Variants in SNAPC1 observed in about 807,000 individuals in gnomAD.
SNAPC1 encodes snRNA-activating protein complex subunit 1.
In SNAPC1, 42 loss-of-function variants were observed where a neutral mutation model predicts 50.1. That is an observed-to-expected ratio of 0.84 (90% CI 0.65 to 1.08). SNAPC1 has a LOEUF of 1.08. SNAPC1 is among the 50% of genes least tolerant of loss of function. SNAPC1 has a pLI of 0.00. For synonymous variants in SNAPC1, 164 were observed against 144.2 expected, an observed-to-expected ratio of 1.14 and a Z score of -0.98; for missense variants, 477 against 427.3, an observed-to-expected ratio of 1.12 and a Z score of -1.02.
At chr14:61,781,238 A>G (rs1319476792) in intron 7 of SNAPC1, among the ~76,000 whole-genome samples, 2 of 152,202 alleles carry the variant, frequency 1.3e-5, no homozygotes, top group East Asian at 3.9e-4. Context: ...TCATGAGGTC[A>G]GGAGATCGAA....
chr14:61,762,688 A>T (rs1594897384), intron 1 of SNAPC1, 100 bp downstream of exon 1: 2 of 1,414,406 alleles, frequency 1.4e-6, no homozygotes, highest in African/African-American at 2.8e-5. Flanking sequence ...GGCTGAGAAG[A>T]GCGGCAGTCA....
rs749884200 is a variant in SNAPC1, at chr14:61,776,226, G to C, written c.666G>C (p.Glu222Asp). Residue 222 changes from glutamate (E) to aspartate (D), a missense_variant, in exon 5 of 10, where the codon GAG (glutamate) becomes GAC (aspartate). Transcript: ENST00000216294. Reference sequence around the variant, plus strand: ...ACAATATTAAGAACATAGTTTTGGAGCATCAGCAGTGGCACAAAGACAGAA... The same window carrying C: ...ACAATATTAAGAACATAGTTTTGGACCATCAGCAGTGGCACAAAGACAGAA... Reference protein sequence around the residue: ...FFDNIKNIVLEHQQWHKDRKN... With the variant: ...FFDNIKNIVLDHQQWHKDRKN... The C allele has an allele frequency of 6.2e-7, 1 of 1,612,718 alleles. No individual in the cohort carries two copies. Among genetic ancestry groups the C allele is most frequent in the Non-Finnish European group, 8.5e-7 (1 of 1,179,532 alleles).
intron 3 of SNAPC1, 138 bp downstream of exon 3, chr14:61,767,490 G>C (rs1375827962): frequency 4.3e-6 from 2 of 464,740 alleles, no homozygotes; most frequent in African/African-American, 4.1e-5. Context: ...TTTAGACAGA[G>C]TCTTGCTCTG....
At chr14:61,783,017 A>T (rs10131600) in intron 8 of SNAPC1, among the ~76,000 whole-genome samples, 19,739 of 116,044 alleles carry the variant, frequency 0.17, 1,966 homozygotes, top group South Asian at 0.35. Context: ...TTTCCAGTGC[A>T]TTTTTTTTTT....
At chr14:61,775,585 C>T (rs945372312) in intron 4 of SNAPC1, among the ~76,000 whole-genome samples, 16 of 152,094 alleles carry the variant, frequency 1.1e-4, no homozygotes, top group African/African-American at 3.6e-4. Context: ...TGAATGTTAT[C>T]GCTGAAGCAA....
rs1236335546 is a variant in SNAPC1 at position 61,795,034 on chromosome 14, G to T, written c.*51G>T. 2.3e-6 allele frequency: 3 copies of T among 1,299,068 alleles called. No homozygotes were observed. Among genetic ancestry groups the T allele is most frequent in the African/African-American group, 3.0e-5 (2 of 65,914 alleles). 80.5% of individuals were successfully genotyped at this position (1,299,068 alleles called of 1,614,324 possible). ...TTTTGAGTTTTCTGACAGAAGAAAA[G>T]ATTGATATTTTGTGTATTGAACAGG... On this transcript the variant is annotated 3_prime_UTR_variant, in exon 10 of 10. Transcript: ENST00000216294.
chr14:61,781,955 GC>G (rs1432175420), intron 7 of SNAPC1, among the ~76,000 whole-genome samples: 1 of 152,132 alleles, frequency 6.6e-6, no homozygotes, highest in East Asian at 1.9e-4. Context: ...ATTAGAAGAT[GC>G]CTCTACACCT....
At chr14:61,772,299 G>A (rs889088143) in intron 4 of SNAPC1, among the ~76,000 whole-genome samples, 1 of 151,964 alleles carries the variant, frequency 6.6e-6, no homozygotes, top group African/African-American at 2.4e-5. Flanking sequence ...CCAGGCTGGA[G>A]TGCAGTGGTA....
chr14:61,770,033 A>G (rs1437756426), intron 4 of SNAPC1, among the ~76,000 whole-genome samples: 1 of 152,158 alleles, frequency 6.6e-6, no homozygotes, highest in Non-Finnish European at 1.5e-5. Flanking sequence ...ATAATATTTT[A>G]TTTCATTCGG....
At chr14:61,788,773 G>A (rs903804275) in intron 8 of SNAPC1, among the ~76,000 whole-genome samples, 1 of 152,126 alleles carries the variant, frequency 6.6e-6, no homozygotes, top group Admixed American at 6.5e-5. Flanking sequence ...AATTTTAAAT[G>A]TACATGCTTT....
At position 61,772,005 on chromosome 14, in the gene SNAPC1, G is replaced by A. The variant is rs559491368; in HGVS notation, c.534+3265G>A. On this transcript the variant is annotated intron_variant, in intron 4 of 9. Transcript: ENST00000216294. ...GAGAAATGCTGATGTGAATCATGAA[G>A]AGAGAGGCATAGGACATTTTCAAAC... Among the ~76,000 whole-genome samples, 3 of 152,328 alleles carry A rather than the reference G, an allele frequency of 2.0e-5. No homozygotes were observed. In the South Asian group the frequency reaches 6.2e-4, roughly 32 times the overall value.
intron 2 of SNAPC1, 57 bp from the exon 3 acceptor site, chr14:61,767,155 T>C (rs1467124692): frequency 1.6e-6 from 2 of 1,260,264 alleles, no homozygotes; most frequent in Non-Finnish European, 2.1e-6. Flanking sequence ...AAAATTATAA[T>C]ATGTTTGTGA....
chr14:61,782,766 C>A (rs1276067651), intron 8 of SNAPC1, among the ~76,000 whole-genome samples: 1 of 151,806 alleles, frequency 6.6e-6, no homozygotes, highest in African/African-American at 2.4e-5. Flanking sequence ...AAAAGTCGGG[C>A]ATGGTAGCGC....
In SNAPC1 at chr14:61,794,939, A is replaced by C; in HGVS notation, c.1073-10A>C. 6.4e-7 allele frequency: 1 copy of C among 1,572,104 alleles called. No homozygotes were observed. Among genetic ancestry groups the C allele is most frequent in the Non-Finnish European group, 8.7e-7 (1 of 1,155,138 alleles). Reference sequence around the variant, plus strand: ...TAGATCTGACTGACTTTTAAACTTTATGTCTTTAGAGTTCACTGCATCCAA... The same window carrying C: ...TAGATCTGACTGACTTTTAAACTTTCTGTCTTTAGAGTTCACTGCATCCAA... On this transcript the variant is annotated splice_polypyrimidine_tract_variant and intron_variant, in intron 9 of 9. Coordinates refer to ENST00000216294, the MANE Select transcript of SNAPC1 (RefSeq NM_003082.4).
intron 4 of SNAPC1, among the ~76,000 whole-genome samples, chr14:61,774,392 T>C (rs553463863): frequency 1.4e-3 from 219 of 152,282 alleles, no homozygotes; most frequent in Non-Finnish European, 2.3e-3. Context: ...TTTGTTCATT[T>C]TGTACAAATG....
Position 61,795,075 on chromosome 14 carries a change from A to T in SNAPC1, c.*92A>T, listed in dbSNP as rs773663229. 40 of 776,240 alleles carry T rather than the reference A, an allele frequency of 5.2e-5. No individual in the cohort carries two copies. Among genetic ancestry groups the T allele is most frequent in the Non-Finnish European group, 7.4e-5 (36 of 485,352 alleles). The allele number at this position is 776,240 out of a possible 1,614,324, so 48.1% of individuals were successfully genotyped here. On this transcript the variant is annotated 3_prime_UTR_variant, in exon 10 of 10. Coordinates refer to ENST00000216294, the MANE Select transcript of SNAPC1 (RefSeq NM_003082.4). ...ATTGAACAGGAAGACTGCCAGTATT[A>T]AAAAAATCCTTCTGGGAATCTGTAG...
At position 61,795,174 on chromosome 14, in the gene SNAPC1, T is replaced by A; in HGVS notation, c.*191T>A. The A allele has an allele frequency of 1.9e-6, 1 of 525,062 alleles. No individual in the cohort carries two copies. Among genetic ancestry groups the A allele is most frequent in the Non-Finnish European group, 3.3e-6 (1 of 299,478 alleles). The allele number at this position is 525,062 out of a possible 1,614,324, so 32.5% of individuals were successfully genotyped here. On this transcript the variant is annotated 3_prime_UTR_variant, in exon 10 of 10. Coordinates refer to ENST00000216294, the MANE Select transcript of SNAPC1 (RefSeq NM_003082.4). ...AAATTAGAATAAGAATTCTTTAACA[T>A]TTTCTTTAATGATTTGCATAAATGG...
In SNAPC1 at chr14:61,785,637, ACAT is replaced by A. The variant is rs1303652790; in HGVS notation, c.976+3246_976+3248del. On this transcript the variant is annotated intron_variant, in intron 8 of 9. Transcript: ENST00000216294. ...TTTATACATTTTAGGGAGACATGAC[ACAT>A]CATCAATATGTGTAAGTCGTACATT... Among the ~76,000 whole-genome samples, 8 of 152,352 alleles carry A rather than the reference ACAT, an allele frequency of 5.3e-5. No individual in the cohort carries two copies. The South Asian group carries it at 1.2e-3, about 24-fold the overall frequency.
rs112290504 is a variant in SNAPC1, at chr14:61,778,152, T to A, written c.762+12T>A. 1.4e-5 allele frequency: 21 copies of A among 1,541,816 alleles called. No individual in the cohort carries two copies. In the African/African-American group the frequency reaches 1.4e-4, roughly 10 times the overall value. ...CACAAGAAACGGAGGTCAGAAAACT[T>A]TGCAATTCATATTATGTGTGGCTGT... On this transcript the variant is annotated intron_variant, in intron 6 of 9. Transcript: ENST00000216294.
Sources: allele counts gnomAD v4.1 joint callset (sites outside exome capture counted in the v4.1 genomes callset), GRCh38; gene constraint gnomAD v4.1.1; transcripts MANE v1.5; gene names NCBI Gene and HGNC (gene_info 2026-07-23, HGNC 2026-07-21).